Variants in BPTF observed in about 807,000 individuals in gnomAD.
BPTF encodes the protein bromodomain PHD finger transcription factor.
BPTF carries 18 observed loss-of-function variants against 292.5 expected under a neutral mutation model. The observed-to-expected ratio is 0.06, with a 90% CI of 0.04 to 0.09. BPTF has a LOEUF of 0.09. Ranked by LOEUF, BPTF falls within the 10% of genes least tolerant of loss-of-function variation. The pLI is 1.00. For synonymous variants in BPTF, 1,225 were observed against 1,251.9 expected (o/e 0.98, Z 0.45); for missense variants, 2,726 against 3,498.7 (o/e 0.78, Z 5.57).
At chr17:67,976,163 A>G (rs782724886) in intron 27 of BPTF, 9 of 402,136 alleles carry the variant, frequency 2.2e-5, no homozygotes, top group Non-Finnish European at 3.4e-5. Flanking sequence ...TGATCTACTT[A>G]AAGTCTTTTT....
intron 9 of BPTF, among the ~76,000 whole-genome samples, chr17:67,905,838 T>C (rs1195303255): frequency 6.6e-6 from 1 of 151,530 alleles, no homozygotes; most frequent in African/African-American, 2.4e-5. Flanking sequence ...GTCACATAAA[T>C]GAGGTTTTTC....
At chr17:67,964,480 G>C in intron 25 of BPTF, 76 bp downstream of exon 25, 1 of 1,460,674 alleles carries the variant, frequency 6.8e-7, no homozygotes, top group Non-Finnish European at 9.2e-7. Context: ...AGGATTTCAA[G>C]TTTCCAATCT....
intron 8 of BPTF, 36 bp from the exon 9 acceptor site, chr17:67,904,660 GTTATTC>G (rs762639948): frequency 8.9e-6 from 13 of 1,467,746 alleles, no homozygotes; most frequent in African/African-American, 8.4e-5. Flanking sequence ...TATAAGCATT[GTTATTC>G]TTATTGTTTA....
rs56335701 is a variant in BPTF, at chr17:67,843,754, C to CTTTTTTTTTTTTT, written c.614-10170_614-10158dup. ...TTTTTAAATTGTCTGGAGCAGTTGT[C>CTTTTTTTTTTTTT]TTTTTTTTTTTTTTTTTTTTTTTTT... On this transcript the variant is annotated intron_variant, in intron 1 of 27. Transcript: ENST00000306378. 1.1e-3 allele frequency among the ~76,000 whole-genome samples: 66 copies of CTTTTTTTTTTTTT among 62,228 alleles called. 10 individuals are homozygous for CTTTTTTTTTTTTT. The highest frequency in any genetic ancestry group is 5.3e-3 in the African/African-American group (63 of 11,926). The allele number at this position is 62,228 out of a possible 152,430, so 40.8% of individuals were successfully genotyped here.
intron 1 of BPTF, among the ~76,000 whole-genome samples, chr17:67,850,694 A>G (rs1188886807): frequency 2.6e-5 from 4 of 152,172 alleles, no homozygotes; most frequent in African/African-American, 7.2e-5. Context: ...AGATTGATCC[A>G]TGTTGATATG....
intron 1 of BPTF, among the ~76,000 whole-genome samples, chr17:67,847,199 AGCAC>A (rs1484603352): frequency 1.3e-5 from 2 of 152,192 alleles, no homozygotes; most frequent in African/African-American, 4.8e-5. Flanking sequence ...ATGCTTACTT[AGCAC>A]AATGTCTGGC....
chr17:67,905,401 C>G lies in BPTF; in HGVS notation c.2812+561C>G, dbSNP rs1383938858. 9.9e-5 allele frequency among the ~76,000 whole-genome samples: 15 copies of G among 151,356 alleles called. No individual in the cohort carries two copies. In the South Asian group the frequency reaches 2.9e-3, roughly 29 times the overall value. On this transcript the variant is annotated intron_variant, in intron 9 of 27. Coordinates refer to ENST00000306378, the MANE Select transcript of BPTF (RefSeq NM_182641.4). ...CCAGCCTAGGTGACAGAGCAAGACTCTGTCTCAAAAAAAAAAAAATTCAGG... is the reference window on the plus strand; with the variant it reads ...CCAGCCTAGGTGACAGAGCAAGACTGTGTCTCAAAAAAAAAAAAATTCAGG...
chr17:67,902,889 A>G (rs1199334334), intron 7 of BPTF, among the ~76,000 whole-genome samples: 1 of 152,236 alleles, frequency 6.6e-6, no homozygotes, highest in African/African-American at 2.4e-5. Flanking sequence ...TTCTTCTGCC[A>G]CTAGCGCTCT....
In BPTF at chr17:67,941,077, T is replaced by G. The variant is rs916274160; in HGVS notation, c.6477+421T>G. On this transcript the variant is annotated intron_variant, in intron 19 of 27. Coordinates refer to ENST00000306378, the MANE Select transcript of BPTF (RefSeq NM_182641.4). ...TTCACAAGCTGATACTGAAAGTTTA[T>G]ATGGAGGTACAAAGTATTAAGAATA... 3.9e-5 allele frequency among the ~76,000 whole-genome samples: 6 copies of G among 152,372 alleles called. No homozygotes were observed. In the South Asian group the frequency reaches 6.2e-4, roughly 16 times the overall value.
intron 27 of BPTF, among the ~76,000 whole-genome samples, chr17:67,978,292 A>C (rs1211628203): frequency 2.4e-5 from 1 of 41,426 alleles, no homozygotes; most frequent in Non-Finnish European, 1.6e-4. Context: ...GGCCAGAAAT[A>C]TATATATATA....
At chr17:67,979,539 C>T (rs2070056760) in intron 27 of BPTF, among the ~76,000 whole-genome samples, 1 of 152,018 alleles carries the variant, frequency 6.6e-6, no homozygotes, top group Admixed American at 6.6e-5. Context: ...AGCAAAACTC[C>T]GTCTCAAAGA....
chr17:67,929,835 G>T (rs575946488), intron 17 of BPTF, among the ~76,000 whole-genome samples: 1 of 152,300 alleles, frequency 6.6e-6, no homozygotes, highest in East Asian at 1.9e-4. Context: ...AAAATGCTGG[G>T]CCAGGTGCGG....
rs1479407995 is a variant in BPTF at position 67,939,962 on chromosome 17, A to G, written c.6260-477A>G. On this transcript the variant is annotated intron_variant, in intron 18 of 27. Coordinates refer to ENST00000306378, the MANE Select transcript of BPTF (RefSeq NM_182641.4). ...CTTGCCTTCATGGCTCTCCCAAGCT[A>G]TCTGTCAAATAGCTGTAAGAGAAGC... Among the ~76,000 whole-genome samples the G allele has an allele frequency of 4.6e-5, 7 of 152,282 alleles. No individual in the cohort carries two copies. The East Asian group carries it at 5.8e-4, about 13-fold the overall frequency.
chr17:67,869,037 A>T (rs2059551474), intron 3 of BPTF, among the ~76,000 whole-genome samples: 1 of 152,210 alleles, frequency 6.6e-6, no homozygotes, highest in Non-Finnish European at 1.5e-5. Context: ...TAATTGCAGT[A>T]ACACAATCTC....
intron 9 of BPTF, among the ~76,000 whole-genome samples, chr17:67,907,313 A>G (rs1283760498): frequency 2.6e-5 from 4 of 151,022 alleles, no homozygotes; most frequent in Non-Finnish European, 5.9e-5. Context: ...AAATACAAAG[A>G]GAATAATGAA....
At chr17:67,864,510 A>G in intron 2 of BPTF, among the ~76,000 whole-genome samples, 1 of 146,254 alleles carries the variant, frequency 6.8e-6, no homozygotes. Context: ...CCTGGGCAAC[A>G]GAGTGAGACT....
intron 26 of BPTF, among the ~76,000 whole-genome samples, chr17:67,972,179 A>G (rs1203407780): frequency 1.3e-5 from 2 of 152,096 alleles, no homozygotes; most frequent in Non-Finnish European, 2.9e-5. Flanking sequence ...CATATTTCTT[A>G]TATTTTTCTC....
intron 1 of BPTF, among the ~76,000 whole-genome samples, chr17:67,849,909 C>A (rs911962676): frequency 6.6e-6 from 1 of 151,948 alleles, no homozygotes; most frequent in Non-Finnish European, 1.5e-5. Flanking sequence ...CCACTGCACT[C>A]CAGCCTGGGC....
chr17:67,875,402 A>G (rs1184351919), intron 4 of BPTF, among the ~76,000 whole-genome samples: 1 of 152,206 alleles, frequency 6.6e-6, no homozygotes, highest in Non-Finnish European at 1.5e-5. Flanking sequence ...TGAATTACCT[A>G]TTGCAGCAAT....
Sources: gnomAD v4.1 joint callset for allele counts (sites outside exome capture counted in the v4.1 genomes callset) on GRCh38, gnomAD v4.1.1 for gene constraint, MANE v1.5 for transcripts, NCBI Gene and HGNC (gene_info 2026-07-23, HGNC 2026-07-21) for gene names.